Variants in N4BP2 observed in about 807,000 individuals in gnomAD.
N4BP2 encodes the protein NEDD4-binding protein 2.
In N4BP2, 91 loss-of-function variants were observed where a neutral mutation model predicts 152.8. The observed-to-expected ratio is 0.60, with a 90% confidence interval of 0.50 to 0.71. The LOEUF is 0.71. Ranked by LOEUF, N4BP2 falls within the 30% of genes least tolerant of loss-of-function variation. The probability of loss-of-function intolerance (pLI) is 0.00; values close to 1 mark genes in which losing one functional copy is unlikely to be tolerated. For synonymous variants in N4BP2, 646 were observed against 705.3 expected (o/e 0.92, Z 1.33); for missense variants, 1,923 against 2,059.1 (o/e 0.93, Z 1.28).
intron 12 of N4BP2, among the ~76,000 whole-genome samples, chr4:40,128,173 A>G (rs1486912038): frequency 6.6e-6 from 1 of 152,224 alleles, no homozygotes; most frequent in Middle Eastern, 3.2e-3. Context: ...AAAGAATTCC[A>G]GGTCAAAAGG....
rs1371093889 is a variant in N4BP2 at position 40,126,974 on chromosome 4, G to A, written c.4527+644G>A. ...GGGTTTCACCATGTTGGCCAGGCTGGTCTCAAACTCCTGACCTCAAGTGAG... is the reference window on the plus strand; with the variant it reads ...GGGTTTCACCATGTTGGCCAGGCTGATCTCAAACTCCTGACCTCAAGTGAG... On this transcript the variant is annotated intron_variant, in intron 12 of 17. Coordinates refer to ENST00000261435, the MANE Select transcript of N4BP2 (RefSeq NM_018177.6). Among the ~76,000 whole-genome samples, 4 of 151,752 alleles carry A rather than the reference G, an allele frequency of 2.6e-5. No individual in the cohort carries two copies. In the Middle Eastern group the frequency reaches 9.6e-3, roughly 362 times the overall value.
At chr4:40,063,497 T>C (rs1399237075) in intron 1 of N4BP2, among the ~76,000 whole-genome samples, 2 of 152,194 alleles carry the variant, frequency 1.3e-5, no homozygotes, top group Non-Finnish European at 1.5e-5. Flanking sequence ...GGTTGTGATA[T>C]GCTCACTTAC....
At chr4:40,104,040 C>T (rs1458516385) in intron 4 of N4BP2, among the ~76,000 whole-genome samples, 2 of 152,118 alleles carry the variant, frequency 1.3e-5, no homozygotes, top group East Asian at 1.9e-4. Context: ...CTGCAAGCTC[C>T]GCCTCCCAGG....
chr4:40,106,600 G>A (rs1039524676), intron 4 of N4BP2, among the ~76,000 whole-genome samples: 2 of 152,116 alleles, frequency 1.3e-5, no homozygotes, highest in African/African-American at 2.4e-5. Flanking sequence ...CCAGGCTGGA[G>A]TACGGTGGCG....
intron 3 of N4BP2, among the ~76,000 whole-genome samples, chr4:40,099,689 A>AT (rs1183770929): frequency 6.6e-6 from 1 of 151,832 alleles, no homozygotes; most frequent in Non-Finnish European, 1.5e-5. Context: ...TTGAAAAAAA[A>AT]TTTTTTTATA....
chr4:40,162,846 T>C (rs1721893947), downstream of N4BP2, among the ~76,000 whole-genome samples: 1 of 152,134 alleles, frequency 6.6e-6, no homozygotes, highest in Non-Finnish European at 1.5e-5. Context: ...GGGAAGCCAG[T>C]AGCATGGCCA....
chr4:40,130,298 A>G (rs956282168), intron 12 of N4BP2, among the ~76,000 whole-genome samples: 4 of 152,004 alleles, frequency 2.6e-5, no homozygotes, highest in Non-Finnish European at 5.9e-5. Context: ...CCAAAGTGCT[A>G]GGATTATAGA....
rs772712717 is a variant in N4BP2 at position 40,121,137 on chromosome 4, A to G, written c.3026A>G (p.Lys1009Arg). 1.9e-6 allele frequency: 3 copies of G among 1,614,144 alleles called. No homozygotes were observed. Among genetic ancestry groups the G allele is most frequent in the Non-Finnish European group, 2.5e-6 (3 of 1,180,034 alleles). ...CAAATGCCTAAGAGAGACCCTGGAAAAGAAGTAGGCATGTGCACCCAGACT... is the reference window on the plus strand; with the variant it reads ...CAAATGCCTAAGAGAGACCCTGGAAGAGAAGTAGGCATGTGCACCCAGACT... ...QEQMPKRDPG[K>R]EVGMCTQTEP... Residue 1009 changes from lysine to arginine, a missense_variant, in exon 9 of 18, where the codon AAA (lysine) becomes AGA (arginine). Lys to Arg is a conservative substitution (Grantham distance 26). Transcript: ENST00000261435.
chr4:40,102,923 C>A lies in N4BP2; in HGVS notation c.1078C>A (p.Pro360Thr). ...LPLLLPPPPP[P>T]PMWNPMIPAF... ...ATTGCTGTTGCCTCCTCCGCCACCTCCACCGATGTGGAATCCAATGATTCC... is the reference window on the plus strand; with the variant it reads ...ATTGCTGTTGCCTCCTCCGCCACCTACACCGATGTGGAATCCAATGATTCC... The change falls in exon 4 of 18, where the codon CCA becomes ACA. Residue 360 changes from proline (P) to threonine (T), a missense_variant. By Grantham distance (38) the Pro-to-Thr change is conservative. Transcript: ENST00000261435. The A allele has an allele frequency of 6.2e-7, 1 of 1,614,200 alleles. No individual in the cohort carries two copies. The highest frequency in any genetic ancestry group is 8.5e-7 in the Non-Finnish European group (1 of 1,180,038).
At chr4:40,090,989 C>G (rs1163946489) in intron 2 of N4BP2, among the ~76,000 whole-genome samples, 6 of 122,940 alleles carry the variant, frequency 4.9e-5, no homozygotes, top group Non-Finnish European at 9.8e-5. Context: ...TAAGTGAGGA[C>G]TTAGTGTATT....
intron 7 of N4BP2, 67 bp downstream of exon 7, chr4:40,113,575 T>C: frequency 9.2e-7 from 1 of 1,091,452 alleles, no homozygotes. Context: ...CGTTTAGATT[T>C]TTCCCCTTGT....
chr4:40,119,128 C>T (rs1717616338), intron 8 of N4BP2, among the ~76,000 whole-genome samples: 1 of 152,162 alleles, frequency 6.6e-6, no homozygotes. Context: ...TACTTCAGCT[C>T]TTCATTTCTA....
intron 2 of N4BP2, among the ~76,000 whole-genome samples, chr4:40,088,264 A>G (rs1714173958): frequency 6.6e-6 from 1 of 152,194 alleles, no homozygotes; most frequent in East Asian, 1.9e-4. Context: ...ACAGGTTTTT[A>G]GATGAATATA....
Position 40,120,867 on chromosome 4 carries a change from A to G in N4BP2, c.2756A>G (p.Asn919Ser), listed in dbSNP as rs1345038770. Residue 919 changes from asparagine (N) to serine (S), a missense_variant, in exon 9 of 18, where the codon AAT becomes AGT. By Grantham distance (46) the Asn-to-Ser change is conservative. Transcript: ENST00000261435. ...GAAATTGGAACAAATGACAAAATGA[A>G]TGAAATATCCTTATCTACAGCACAT... ...NLEIGTNDKM[N>S]EISLSTAHEA... 1.2e-6 allele frequency: 2 copies of G among 1,614,026 alleles called. No individual in the cohort carries two copies. The highest frequency in any genetic ancestry group is 2.7e-5 in the African/African-American group (2 of 74,930).
At chr4:40,180,144 C>A in the N4BP2 span, among the ~76,000 whole-genome samples, 2 of 152,072 alleles carry the variant, frequency 1.3e-5, no homozygotes, top group Non-Finnish European at 2.9e-5. Context: ...AAAATAAAGA[C>A]AAATGACTGA....
the N4BP2 span, among the ~76,000 whole-genome samples, chr4:40,186,276 C>T: frequency 7.6e-6 from 1 of 131,582 alleles, no homozygotes; most frequent in Non-Finnish European, 1.7e-5. Context: ...TGAGAATCAA[C>T]TGCTATAAAA....
intron 4 of N4BP2, among the ~76,000 whole-genome samples, 195 bp from the exon 5 acceptor site, chr4:40,106,705 T>A (rs1716331204): frequency 6.6e-6 from 1 of 152,044 alleles, no homozygotes; most frequent in Non-Finnish European, 1.5e-5. Context: ...CATGCCACCG[T>A]ACCTGGCTAA....
Position 40,112,122 on chromosome 4 carries a change from A to G in N4BP2, c.1537A>G (p.Ile513Val), listed in dbSNP as rs1346606844. 2 of 1,571,524 alleles carry G rather than the reference A, an allele frequency of 1.3e-6. No homozygotes were observed. The highest frequency in any genetic ancestry group is 1.7e-6 in the Non-Finnish European group (2 of 1,154,508). The change falls in exon 6 of 18, where the codon ATA (isoleucine) becomes GTA (valine). Residue 513 changes from isoleucine to valine, a missense_variant. Coordinates refer to ENST00000261435, the MANE Select transcript of N4BP2 (RefSeq NM_018177.6). ...AFEKKISPII[I>V]DNTNLQAWEM... ...TGAGAAGAAGATATCTCCTATAATT[A>G]TAGATAATACAAACCTACAGGCATG...
chr4:40,136,961 C>T lies in N4BP2; in HGVS notation c.4664C>T (p.Thr1555Ile). 6.2e-7 allele frequency: 1 copy of T among 1,611,218 alleles called. No homozygotes were observed. ...FKDHNYSLEHTVQFLNCVLEG... is the reference protein window; with the variant it reads ...FKDHNYSLEHIVQFLNCVLEG... Reference sequence around the variant, plus strand: ...TTCTACAGCTATTCATTAGAACACACAGTGCAATTTCTTAACTGTGTTCTT... The same window carrying T: ...TTCTACAGCTATTCATTAGAACACATAGTGCAATTTCTTAACTGTGTTCTT... The change falls in exon 14 of 18, where the codon ACA (threonine) becomes ATA (isoleucine). Residue 1555 changes from threonine to isoleucine, a missense_variant. Physicochemically the swap from Thr to Ile is moderately conservative, Grantham distance 89 (BLOSUM62 -1). Transcript: ENST00000261435.
Sources: gnomAD v4.1 joint callset for allele counts (sites outside exome capture counted in the v4.1 genomes callset) on GRCh38, gnomAD v4.1.1 for gene constraint, MANE v1.5 for transcripts, NCBI Gene and HGNC (gene_info 2026-07-23, HGNC 2026-07-21) for gene names.